The following CENPN variants were observed in gnomAD, a reference collection of about 807,000 sequenced individuals.
The protein encoded by CENPN is centromere protein N.
In CENPN, 36 loss-of-function variants were observed where a neutral mutation model predicts 48.6. That is an observed-to-expected ratio of 0.74 (90% CI 0.57 to 0.98). The LOEUF is 0.98. CENPN is among the 50% of genes least tolerant of loss of function. CENPN has a pLI of 0.00. For synonymous variants in CENPN, 166 were observed against 135.2 expected (o/e 1.23, Z -1.58); for missense variants, 439 against 399.2 (o/e 1.10, Z -0.85).
Position 81,015,982 on chromosome 16 carries a change from C to A in CENPN, c.218-1344C>A, listed in dbSNP as rs150999639. Among the ~76,000 whole-genome samples, 7 of 149,200 alleles carry A rather than the reference C, an allele frequency of 4.7e-5. No homozygotes were observed. The South Asian group carries it at 1.3e-3, about 27-fold the overall frequency. On this transcript the variant is annotated intron_variant, in intron 3 of 10. Transcript: ENST00000305850. Reference sequence around the variant, plus strand: ...ATCACACCACTGCACTCCAGCCTGGCGACACCGTGAGACTCTGTCTCAAAA... The same window carrying A: ...ATCACACCACTGCACTCCAGCCTGGAGACACCGTGAGACTCTGTCTCAAAA...
intron 8 of CENPN, among the ~76,000 whole-genome samples, chr16:81,025,774 C>G (rs1970441203): frequency 6.7e-6 from 1 of 149,696 alleles, no homozygotes; most frequent in Non-Finnish European, 1.5e-5. Flanking sequence ...ATGATTTCAG[C>G]TCACTGCAAC....
chr16:81,030,402 G>A lies in CENPN; in HGVS notation c.*1751G>A. On this transcript the variant is annotated 3_prime_UTR_variant, in exon 11 of 11. Transcript: ENST00000305850. The stretch of plus-strand genomic sequence containing the variant: ...ACACTTCTGATACCAGATATGTGGG[G>A]GAGGGGGTTTCCCCCACACATTAAG... 2 of 984,900 alleles carry A rather than the reference G, an allele frequency of 2.0e-6. No individual in the cohort carries two copies. The highest frequency in any genetic ancestry group is 2.4e-6 in the Non-Finnish European group (2 of 829,646). The allele number at this position is 984,900 out of a possible 1,614,324, so 61.0% of individuals were successfully genotyped here.
At chr16:81,012,484 C>G (rs1969782893) in intron 2 of CENPN, among the ~76,000 whole-genome samples, 1 of 152,158 alleles carries the variant, frequency 6.6e-6, no homozygotes, top group African/African-American at 2.4e-5. Flanking sequence ...GTATTTATCT[C>G]TTTAATTGCT....
intron 1 of CENPN, among the ~76,000 whole-genome samples, chr16:81,007,811 A>C (rs559783321): frequency 1.3e-5 from 2 of 152,246 alleles, no homozygotes; most frequent in South Asian, 2.1e-4. Flanking sequence ...AGTATAAAGA[A>C]AGTTTTAAAA....
At chr16:81,020,321 C>A in intron 6 of CENPN, 45 bp downstream of exon 6, 1 of 1,551,826 alleles carries the variant, frequency 6.4e-7, no homozygotes, top group East Asian at 2.3e-5. Flanking sequence ...ATTATCCTAT[C>A]TCAAAGGTCT....
rs753768970 is a variant in CENPN at position 81,028,610 on chromosome 16, C to T, written c.979C>T (p.Pro327Ser). Residue 327 changes from proline to serine, a missense_variant, in exon 11 of 11, where the codon CCC (proline) becomes TCC (serine). Coordinates refer to ENST00000305850, the MANE Select transcript of CENPN (RefSeq NM_001100624.3). ...ACTTTCTCCACTGCTCACTTGCATA[C>T]CCAACAAGAGAATGAATTATTTTAA... ...APLSPLLTCI[P>S]NKRMNYFKIR... is the part of the protein sequence containing the mutation. 1 of 1,612,070 alleles carries T rather than the reference C, an allele frequency of 6.2e-7. No homozygotes were observed. Among genetic ancestry groups the T allele is most frequent in the East Asian group, 2.2e-5 (1 of 44,854 alleles).
In CENPN at chr16:81,029,496, C is replaced by G. The variant is rs1970669368; in HGVS notation, c.*845C>G. ...CTCACTGCAGCCTGGACCTCCCAGG[C>G]TCAAGTGATCCTTCCACCTCAGCCT... On this transcript the variant is annotated 3_prime_UTR_variant, in exon 11 of 11. Coordinates refer to ENST00000305850, the MANE Select transcript of CENPN (RefSeq NM_001100624.3). 6.2e-6 allele frequency: 1 copy of G among 160,150 alleles called. No homozygotes were observed. The highest frequency in any genetic ancestry group is 6.5e-5 in the Admixed American group (1 of 15,306). The allele number at this position is 160,150 out of a possible 1,614,324, so 9.9% of individuals were successfully genotyped here. A position where few individuals can be genotyped will look rare whatever the true frequency, so the allele number is the denominator to read the frequency against.
At chr16:81,018,204 T>C (rs1014970570) in intron 5 of CENPN, among the ~76,000 whole-genome samples, 1 of 150,660 alleles carries the variant, frequency 6.6e-6, no homozygotes, top group Non-Finnish European at 1.5e-5. Context: ...TGAGACAGAG[T>C]CTTACTCTGT....
chr16:81,020,652 A>G (rs1456507937), intron 6 of CENPN, among the ~76,000 whole-genome samples: 2 of 152,250 alleles, frequency 1.3e-5, no homozygotes, highest in East Asian at 1.9e-4. Flanking sequence ...GAAATAATGC[A>G]TACTTAATAT....
intron 7 of CENPN, 88 bp from the exon 8 acceptor site, chr16:81,024,627 T>C: frequency 1.2e-6 from 1 of 845,808 alleles, no homozygotes; most frequent in Non-Finnish European, 1.8e-6. Flanking sequence ...AAATAAACAT[T>C]TGACATACTT....
rs779363972 is a variant in CENPN at position 81,012,063 on chromosome 16, C to A, written c.124C>A (p.Arg42=). Residue 42 remains arginine, a synonymous_variant, in exon 2 of 11, where the codon CGA becomes AGA. Coordinates refer to ENST00000305850, the MANE Select transcript of CENPN (RefSeq NM_001100624.3). The part of the protein sequence containing the change: ...SENQLQTVNF[R]QRKESVVQHL... ...AAATCAACTGCAGACTGTAAATTTC[C>A]GACAGAGAAAGGAATCTGTAGTTCA... 1.4e-4 allele frequency: 221 copies of A among 1,613,928 alleles called. 2 individuals carry two copies. Among genetic ancestry groups the A allele is most frequent in the Non-Finnish European group, 3.1e-5 (37 of 1,180,000 alleles).
At chr16:81,020,026 A>G (rs1002728425) in intron 5 of CENPN, 74 bp from the exon 6 acceptor site, 8 of 1,372,492 alleles carry the variant, frequency 5.8e-6, no homozygotes, top group African/African-American at 5.8e-5. Flanking sequence ...TTCACCCCTA[A>G]TAAGCACCTG....
chr16:81,029,707 T>G lies in CENPN; in HGVS notation c.*1056T>G, dbSNP rs939891836. Among the ~76,000 whole-genome samples the G allele has an allele frequency of 6.6e-6, 1 of 152,198 alleles. No individual in the cohort carries two copies. The highest frequency in any genetic ancestry group is 2.4e-5 in the African/African-American group (1 of 41,466). ...TCTCCTGCCTCAGCCTCTGAGTAGC[T>G]GGGACTACAGGCCTGCACCACCATG... On this transcript the variant is annotated 3_prime_UTR_variant, in exon 11 of 11. Transcript: ENST00000305850.
chr16:81,009,414 G>C (rs1969646752), intron 1 of CENPN, among the ~76,000 whole-genome samples: 1 of 152,142 alleles, frequency 6.6e-6, no homozygotes. Context: ...TTATTTAAGA[G>C]ACTAGTGTAG....
At position 81,029,126 on chromosome 16, in the gene CENPN, G is replaced by C; in HGVS notation, c.*475G>C. ...ACTTTTTAGGAGAATCATGAAATTG[G>C]TCTATTCAAAGGATGGAGTTGAGTC... On this transcript the variant is annotated 3_prime_UTR_variant, in exon 11 of 11. Transcript: ENST00000305850. The C allele has an allele frequency of 1.0e-6, 1 of 985,594 alleles. No individual in the cohort carries two copies. The highest frequency in any genetic ancestry group is 1.2e-6 in the Non-Finnish European group (1 of 830,110). The allele number at this position is 985,594 out of a possible 1,614,324, so 61.1% of individuals were successfully genotyped here. A position where few individuals can be genotyped will look rare whatever the true frequency, so the allele number is the denominator to read the frequency against.
Position 81,020,253 on chromosome 16 carries a change from C to T in CENPN, c.508C>T (p.Arg170Cys), listed in dbSNP as rs377524560. 63 of 1,609,932 alleles carry T rather than the reference C, an allele frequency of 3.9e-5. No homozygotes were observed. The South Asian group carries it at 4.5e-4, about 11-fold the overall frequency. Residue 170 changes from arginine to cysteine, a missense_variant, in exon 6 of 11, where the codon CGC (arginine) becomes TGC (cysteine). Physicochemically the swap from Arg to Cys is radical, Grantham distance 180 (BLOSUM62 -3). Transcript: ENST00000305850. The part of the protein sequence containing the change: ...YAFTSSSMLR[R>C]NTPLLGQALT... ...CTTCACGTCCTCCTCCATGCTGAGGCGCAATACACCGCTTCTGGGTCAGGT... is the reference window on the plus strand; with the variant it reads ...CTTCACGTCCTCCTCCATGCTGAGGTGCAATACACCGCTTCTGGGTCAGGT...
chr16:81,032,350 C>G (rs996546674), downstream of CENPN, among the ~76,000 whole-genome samples: 9 of 152,154 alleles, frequency 5.9e-5, no homozygotes, highest in Admixed American at 3.3e-4. Flanking sequence ...TTTACTCTCC[C>G]TTATAATAAT....
chr16:81,013,728 A>G (rs552110473), intron 2 of CENPN, among the ~76,000 whole-genome samples: 26 of 152,310 alleles, frequency 1.7e-4, no homozygotes, highest in Admixed American at 3.9e-4. Flanking sequence ...CTCCAAAAAA[A>G]AAAAGAGACA....
In CENPN at chr16:81,017,340, C is replaced by T; in HGVS notation, c.232C>T (p.Gln78Ter). 3.1e-6 allele frequency: 5 copies of T among 1,597,138 alleles called. No homozygotes were observed. The highest frequency in any genetic ancestry group is 4.3e-6 in the Non-Finnish European group (5 of 1,165,182). Residue 78 changes from glutamine (Q) to a stop codon, truncating the protein, a stop_gained, in exon 4 of 11, where the codon CAG becomes TAG. Coordinates refer to ENST00000305850, the MANE Select transcript of CENPN (RefSeq NM_001100624.3). LOFTEE classifies it high-confidence loss of function. ...LLDIIYMQFH[Q>*]HQKVWEVFQM... is the part of the protein sequence containing the mutation. ...CCCTCTCTCAGATATGCAATTTCAT[C>T]AGCACCAGAAAGTTTGGGAAGTTTT...
Sources: allele counts gnomAD v4.1 joint callset (sites outside exome capture counted in the v4.1 genomes callset), GRCh38; gene constraint gnomAD v4.1.1; transcripts MANE v1.5; gene names NCBI Gene and HGNC (gene_info 2026-07-23, HGNC 2026-07-21).